The following CTNNA2 variants were observed in gnomAD, a reference collection of about 807,000 sequenced individuals.
The protein encoded by CTNNA2 is catenin alpha 2, also known as catenin alpha-2.
Under a neutral mutation model 101.0 loss-of-function variants are expected in CTNNA2, and 42 were observed. The observed-to-expected ratio is 0.42, with a 90% CI of 0.32 to 0.54. The LOEUF (loss-of-function observed/expected upper bound fraction) is 0.54, where lower values mean the gene tolerates loss of function less well. Ranked by LOEUF, CTNNA2 falls within the 20% of genes least tolerant of loss-of-function variation. The pLI, the probability that CTNNA2 is intolerant of heterozygous loss-of-function variation, is 0.14. For missense variants in CTNNA2, 871 were observed against 1,223.1 expected, an observed-to-expected ratio of 0.71 and a Z score of 4.29; for synonymous variants, 450 against 456.4, an observed-to-expected ratio of 0.99 and a Z score of 0.18.
At chr2:80,372,868 T>C (rs1334953443) in intron 7 of CTNNA2, among the ~76,000 whole-genome samples, 2 of 152,192 alleles carry the variant, frequency 1.3e-5, no homozygotes, top group South Asian at 2.1e-4. Context: ...TCTGGAGATA[T>C]TTTAGATTGC....
chr2:80,321,104 A>T (rs1024174713), intron 7 of CTNNA2, among the ~76,000 whole-genome samples: 1 of 152,224 alleles, frequency 6.6e-6, no homozygotes, highest in East Asian at 1.9e-4. Context: ...TTTTGACATG[A>T]TAGGTTCTCT....
At chr2:80,009,318 A>G (rs958868713) in intron 7 of CTNNA2, among the ~76,000 whole-genome samples, 5 of 152,128 alleles carry the variant, frequency 3.3e-5, no homozygotes, top group African/African-American at 1.2e-4. Flanking sequence ...CTCTCCCCCA[A>G]CATCATTTTA....
chr2:79,714,550 A>G (rs930283202), intron 2 of CTNNA2, among the ~76,000 whole-genome samples: 7 of 152,180 alleles, frequency 4.6e-5, no homozygotes, highest in African/African-American at 1.7e-4. Flanking sequence ...TGTACAGGCA[A>G]ATGTGCATTC....
intron 2 of CTNNA2, among the ~76,000 whole-genome samples, chr2:79,735,586 A>G: frequency 6.6e-6 from 1 of 152,226 alleles, no homozygotes; most frequent in East Asian, 1.9e-4. Context: ...CAGGAAATGT[A>G]GACCACAGCA....
At chr2:80,202,723 A>G (rs1233455930) in intron 7 of CTNNA2, among the ~76,000 whole-genome samples, 4 of 150,986 alleles carry the variant, frequency 2.6e-5, no homozygotes, top group African/African-American at 9.8e-5. Flanking sequence ...TTTGTTTCCA[A>G]GAGATTTAAA....
chr2:80,159,768 C>T (rs1304059470), intron 7 of CTNNA2, among the ~76,000 whole-genome samples: 1 of 152,176 alleles, frequency 6.6e-6, no homozygotes, highest in Admixed American at 6.5e-5. Flanking sequence ...GCCACTGTGC[C>T]TGGCCCGTAA....
At chr2:79,919,210 T>G (rs1477377877) in intron 7 of CTNNA2, among the ~76,000 whole-genome samples, 1 of 152,158 alleles carries the variant, frequency 6.6e-6, no homozygotes, top group African/African-American at 2.4e-5. Context: ...TTGACTGGGA[T>G]CTGGTAATCT....
chr2:80,537,717 C>A (rs911848601), intron 9 of CTNNA2, among the ~76,000 whole-genome samples: 5 of 152,106 alleles, frequency 3.3e-5, no homozygotes, highest in African/African-American at 1.2e-4. Context: ...CCTCAGCCTC[C>A]TGAGTAGCTG....
intron 16 of CTNNA2, among the ~76,000 whole-genome samples, chr2:80,607,543 A>G (rs1464585505): frequency 1.3e-5 from 2 of 151,856 alleles, no homozygotes; most frequent in Non-Finnish European, 1.5e-5. Flanking sequence ...ACTCTTATGA[A>G]CTTCTTTCAG....
intron 7 of CTNNA2, among the ~76,000 whole-genome samples, chr2:80,105,966 C>G (rs577139252): frequency 1.3e-4 from 20 of 152,216 alleles, no homozygotes; most frequent in Admixed American, 1.3e-3. Context: ...CAGGTGGGTT[C>G]AATCGCTTGG....
intron 15 of CTNNA2, among the ~76,000 whole-genome samples, chr2:80,600,896 A>G (rs1265251399): frequency 1.3e-5 from 2 of 152,112 alleles, no homozygotes; most frequent in Non-Finnish European, 2.9e-5. Context: ...AGTAACTTGT[A>G]CAACTATCAC....
At chr2:79,507,836 C>G (rs949234911) in intron 5 of CTNNA2, among the ~76,000 whole-genome samples, 9 of 152,262 alleles carry the variant, frequency 5.9e-5, no homozygotes, top group African/African-American at 2.2e-4. Flanking sequence ...ACACATATTT[C>G]TCTTAAATGA....
At position 80,430,429 on chromosome 2, in the gene CTNNA2, C is replaced by T. The variant is rs759766352; in HGVS notation, c.1290+10828C>T. Reference sequence around the variant, plus strand: ...CTCAAGGAAACTAAAAGTAGCCTGACCAAAGTCACTAGATGATGGATGAGT... The same window carrying T: ...CTCAAGGAAACTAAAAGTAGCCTGATCAAAGTCACTAGATGATGGATGAGT... On this transcript the variant is annotated intron_variant, in intron 9 of 18. Coordinates refer to ENST00000402739, the MANE Select transcript of CTNNA2 (RefSeq NM_001282597.3). Among the ~76,000 whole-genome samples the T allele has an allele frequency of 1.6e-4, 24 of 152,094 alleles. 1 individual carries two copies. Among genetic ancestry groups the T allele is most frequent in the Non-Finnish European group, 3.4e-4 (23 of 68,010 alleles).
chr2:79,413,144 A>T (rs564094162), intron 4 of CTNNA2, among the ~76,000 whole-genome samples: 79 of 151,984 alleles, frequency 5.2e-4, no homozygotes, highest in African/African-American at 1.8e-3. Context: ...GGTGTTTATT[A>T]TCATTGTTGT....
intron 8 of CTNNA2, among the ~76,000 whole-genome samples, chr2:80,416,322 C>G (rs1680043733): frequency 1.3e-5 from 2 of 152,086 alleles, no homozygotes; most frequent in African/African-American, 4.8e-5. Context: ...ATCAAATCAT[C>G]ATGTTATACA....
At chr2:80,380,409 C>T (rs1261370737) in intron 7 of CTNNA2, among the ~76,000 whole-genome samples, 1 of 152,108 alleles carries the variant, frequency 6.6e-6, no homozygotes, top group Non-Finnish European at 1.5e-5. Flanking sequence ...CTGAGAAACT[C>T]TCAGCCTCCC....
intron 7 of CTNNA2, among the ~76,000 whole-genome samples, chr2:80,271,963 T>C (rs536085634): frequency 1.2e-4 from 18 of 152,326 alleles, no homozygotes; most frequent in African/African-American, 4.3e-4. Flanking sequence ...TTCTGCCTTG[T>C]AGGTGGAAGG....
At chr2:79,585,672 T>C (rs538033700) in intron 1 of CTNNA2, among the ~76,000 whole-genome samples, 2 of 152,236 alleles carry the variant, frequency 1.3e-5, no homozygotes, top group South Asian at 4.2e-4. Flanking sequence ...GCACAGTGTG[T>C]GCCCTTGTCT....
intron 3 of CTNNA2, among the ~76,000 whole-genome samples, chr2:79,344,367 C>A (rs546536638): frequency 9.3e-4 from 142 of 152,264 alleles, no homozygotes; most frequent in Non-Finnish European, 1.8e-3. Flanking sequence ...CAATGGTTGG[C>A]ATTTTCCATT....
Sources: gnomAD v4.1 joint callset for allele counts (sites outside exome capture counted in the v4.1 genomes callset) on GRCh38, gnomAD v4.1.1 for gene constraint, MANE v1.5 for transcripts, NCBI Gene and HGNC (gene_info 2026-07-23, HGNC 2026-07-21) for gene names.